The following RNF187 variants were observed in gnomAD, a reference collection of about 807,000 sequenced individuals.
RNF187 encodes the protein ring finger protein 187.
A neutral mutation model predicts 22.2 loss-of-function variants in RNF187; 18 were observed. The ratio of observed to expected loss-of-function variants is 0.81; its 90% confidence interval spans 0.56 to 1.20. The LOEUF is 1.20. Among genes scored for constraint, RNF187 ranks in the 50% most tolerant of loss-of-function variants. The probability of loss-of-function intolerance (pLI) is 0.00; values close to 1 mark genes in which losing one functional copy is unlikely to be tolerated. For missense variants in RNF187, 329 were observed against 317.6 expected (o/e 1.04, Z -0.27); for synonymous variants, 164 against 140.9 (o/e 1.16, Z -1.16).
Position 228,493,385 on chromosome 1 carries a change from T to C in RNF187, c.705+111T>C. Reference sequence around the variant, plus strand: ...TCAAGGCTTAAAAGCCCAGCCTGACTCCCACTGCCGTGGCCTTGCAGGGCT... The same window carrying C: ...TCAAGGCTTAAAAGCCCAGCCTGACCCCCACTGCCGTGGCCTTGCAGGGCT... On this transcript the variant is annotated intron_variant, in intron 3 of 3. Transcript: ENST00000305943. The surrounding 1 kb of genome is among the most constrained non-coding windows in gnomAD (Gnocchi z 4.7). 2.1e-6 allele frequency: 3 copies of C among 1,459,342 alleles called. No individual in the cohort carries two copies. Among genetic ancestry groups the C allele is most frequent in the African/African-American group, 2.8e-5 (2 of 70,774 alleles). 90.4% of individuals were successfully genotyped at this position (1,459,342 alleles called of 1,614,324 possible).
At chr1:228,487,909 C>A in intron 1 of RNF187, 31 bp downstream of exon 1, 2 of 1,176,784 alleles carry the variant, frequency 1.7e-6, no homozygotes, top group African/African-American at 1.6e-5. Flanking sequence ...TGCCCCACCC[C>A]GGACGGTGCC....
intron 1 of RNF187, 82 bp from the exon 2 acceptor site, chr1:228,488,878 T>A: frequency 1.8e-6 from 2 of 1,092,002 alleles, no homozygotes; most frequent in Non-Finnish European, 2.7e-6. Context: ...TGCAGTCAGC[T>A]GGGGTGATGT....
In RNF187 at chr1:228,494,081, G is replaced by A; in HGVS notation, c.*196G>A. 4.0e-6 allele frequency: 6 copies of A among 1,484,094 alleles called. No individual in the cohort carries two copies. The highest frequency in any genetic ancestry group is 4.2e-5 in the Admixed American group (2 of 47,270). The allele number at this position is 1,484,094 out of a possible 1,614,324, so 91.9% of individuals were successfully genotyped here. A position where few individuals can be genotyped will look rare whatever the true frequency, so the allele number is the denominator to read the frequency against. On this transcript the variant is annotated 3_prime_UTR_variant, in exon 4 of 4. Transcript: ENST00000305943. ...GTTTTGGGGGCTGCAAACACCTCCC[G>A]GTAGAGGCTGGACCTGAGGACCCTT...
rs1425315640 is a variant in RNF187 at position 228,487,734 on chromosome 1, C to T, written c.246C>T (p.Pro82=). ...CGCTCGAGGAGGCGGCCGCGGCGCC[C>T]GCGCGCGACGGCCCGGCCAGCGAGG... Residue 82 remains proline, a synonymous_variant, in exon 1 of 4, where the codon CCC becomes CCT. Coordinates refer to ENST00000305943, the MANE Select transcript of RNF187 (RefSeq NM_001010858.3). 4.9e-6 allele frequency: 5 copies of T among 1,029,110 alleles called. No individual in the cohort carries two copies. Among genetic ancestry groups the T allele is most frequent in the African/African-American group, 1.7e-5 (1 of 57,664 alleles). The allele number at this position is 1,029,110 out of a possible 1,614,324, so 63.7% of individuals were successfully genotyped here.
intron 2 of RNF187, among the ~76,000 whole-genome samples, chr1:228,489,815 C>G: frequency 3.3e-5 from 5 of 152,136 alleles, no homozygotes; most frequent in African/African-American, 4.8e-5. Context: ...GAGAGTTCCA[C>G]CCTCACAACC....
chr1:228,489,719 A>G, intron 2 of RNF187, among the ~76,000 whole-genome samples: 1 of 152,250 alleles, frequency 6.6e-6, no homozygotes, highest in African/African-American at 2.4e-5. Context: ...TGGTTCATAG[A>G]TGGTGTCTTC....
chr1:228,487,899 T>A, intron 1 of RNF187, 21 bp downstream of exon 1: 1 of 1,199,240 alleles, frequency 8.3e-7, no homozygotes, highest in Non-Finnish European at 1.0e-6. Flanking sequence ...CGGGGTCCCG[T>A]GCCCCACCCC....
intron 1 of RNF187, 23 bp downstream of exon 1, chr1:228,487,901 C>T: frequency 2.5e-6 from 3 of 1,195,610 alleles, no homozygotes; most frequent in South Asian, 2.9e-5. Context: ...GGGTCCCGTG[C>T]CCCACCCCGG....
chr1:228,488,824 A>G, intron 1 of RNF187, 136 bp from the exon 2 acceptor site: 1 of 678,016 alleles, frequency 1.5e-6, no homozygotes, highest in Non-Finnish European at 2.5e-6. Context: ...TTCCTGCCCT[A>G]GACAACCGGG....
chr1:228,492,153 C>T lies in RNF187; in HGVS notation c.484-900C>T. Among the ~76,000 whole-genome samples the T allele has an allele frequency of 1.0e-3, 153 of 151,684 alleles. 2 individuals are homozygous for T. The East Asian group carries it at 0.024, about 23-fold the overall frequency. On this transcript the variant is annotated intron_variant, in intron 2 of 3. Transcript: ENST00000305943. ...GCAGCCTCAAACTCCTGGGCTCAAGCGATCGTCTTACCTCAGCCTCCCGAG... is the reference window on the plus strand; with the variant it reads ...GCAGCCTCAAACTCCTGGGCTCAAGTGATCGTCTTACCTCAGCCTCCCGAG...
chr1:228,494,544 G>T lies in RNF187; in HGVS notation c.*659G>T. 1.0e-6 allele frequency: 1 copy of T among 985,702 alleles called. No individual in the cohort carries two copies. The allele number at this position is 985,702 out of a possible 1,614,324, so 61.1% of individuals were successfully genotyped here. ...CCCTCCCTGTGCTCCACCTGCCTCC[G>T]CAGAAGGAAGCCTCTTTCTCTGTTT... is the stretch of plus-strand genomic sequence containing the variant. On this transcript the variant is annotated 3_prime_UTR_variant, in exon 4 of 4. Transcript: ENST00000305943.
In RNF187 at chr1:228,487,503, G is replaced by A. The variant is rs1658861231; in HGVS notation, c.15G>A (p.Ala5=). The change falls in exon 1 of 4, where the codon GCG becomes GCA. Residue 5 remains alanine (A), a synonymous_variant. Coordinates refer to ENST00000305943, the MANE Select transcript of RNF187 (RefSeq NM_001010858.3). ...CGCCCGCAGCCCTGGCGCTCCCTGC[G>A]GGCCCCGCCGAGGCCGCCTGCGCCC... is the stretch of plus-strand genomic sequence containing the variant. 8.8e-7 allele frequency: 1 copy of A among 1,139,012 alleles called. No homozygotes were observed. The highest frequency in any genetic ancestry group is 1.1e-6 in the Non-Finnish European group (1 of 931,462). The allele number at this position is 1,139,012 out of a possible 1,614,324, so 70.6% of individuals were successfully genotyped here.
chr1:228,489,185 A>G, intron 2 of RNF187, 133 bp downstream of exon 2: 1 of 641,260 alleles, frequency 1.6e-6, no homozygotes, highest in East Asian at 2.8e-5. Flanking sequence ...GGGCCTCTGG[A>G]CTTAAGTGAG....
In RNF187 at chr1:228,493,666, C is replaced by T; in HGVS notation, c.706-217C>T. Among the ~76,000 whole-genome samples the T allele has an allele frequency of 2.0e-5, 3 of 152,174 alleles. No homozygotes were observed. Among genetic ancestry groups the T allele is most frequent in the Admixed American group, 6.5e-5 (1 of 15,292 alleles). ...CTGCAGCAACCCAGATGGCCCTGAA[C>T]GGTTCAGTTGCCCGTGCCAGCCATA... is the stretch of plus-strand genomic sequence containing the variant. On this transcript the variant is annotated intron_variant, in intron 3 of 3. Coordinates refer to ENST00000305943, the MANE Select transcript of RNF187 (RefSeq NM_001010858.3). This position sits in a 1 kb window ranked among gnomAD's most constrained non-coding sequence, Gnocchi z 4.7.
At chr1:228,492,406 C>G in intron 2 of RNF187, among the ~76,000 whole-genome samples, 1 of 148,860 alleles carries the variant, frequency 6.7e-6, no homozygotes, top group East Asian at 1.9e-4. Context: ...ACCGCAACCT[C>G]TGCCTCCCAG....
In RNF187 at chr1:228,487,482, C is replaced by G. The variant is rs1047955305; in HGVS notation, c.-7C>G. Reference sequence around the variant, plus strand: ...CTGCGCCCTTGCCGGCCCCGCCGCCCGCAGCCCTGGCGCTCCCTGCGGGCC... The same window carrying G: ...CTGCGCCCTTGCCGGCCCCGCCGCCGGCAGCCCTGGCGCTCCCTGCGGGCC... On this transcript the variant is annotated 5_prime_UTR_variant, in exon 1 of 4. Transcript: ENST00000305943. The G allele has an allele frequency of 8.9e-7, 1 of 1,117,488 alleles. No individual in the cohort carries two copies. Among genetic ancestry groups the G allele is most frequent in the Non-Finnish European group, 1.1e-6 (1 of 917,228 alleles). The allele number at this position is 1,117,488 out of a possible 1,614,324, so 69.2% of individuals were successfully genotyped here.
chr1:228,487,866 G>A lies in RNF187; in HGVS notation c.378G>A (p.Ala126=). ...AGTGGGAACCGCGCTGGAGGAAGGC[G>A]CTGCGCGGCAAGGTGCGCGCCGCGG... The change falls in exon 1 of 4, where the codon GCG becomes GCA. Residue 126 remains alanine (A), a synonymous_variant. Transcript: ENST00000305943. 1 of 1,224,270 alleles carries A rather than the reference G, an allele frequency of 8.2e-7. No homozygotes were observed. Among genetic ancestry groups the A allele is most frequent in the East Asian group, 3.7e-5 (1 of 27,360 alleles). 75.8% of individuals were successfully genotyped at this position (1,224,270 alleles called of 1,614,324 possible). A position where few individuals can be genotyped will look rare whatever the true frequency, so the allele number is the denominator to read the frequency against.
At position 228,493,849 on chromosome 1, in the gene RNF187, G is replaced by GTC; in HGVS notation, c.706-28_706-27dup. 1 of 1,550,092 alleles carries GTC rather than the reference G, an allele frequency of 6.5e-7. No individual in the cohort carries two copies. Among genetic ancestry groups the GTC allele is most frequent in the South Asian group, 1.2e-5 (1 of 84,020 alleles). ...ACTCTGTGTGTCTCTTTCTCTTTTT[G>GTC]TCTCTCTGTCTTTCCCTCTCCCCTC... On this transcript the variant is annotated intron_variant, in intron 3 of 3. Coordinates refer to ENST00000305943, the MANE Select transcript of RNF187 (RefSeq NM_001010858.3). This position sits in a 1 kb window ranked among gnomAD's most constrained non-coding sequence, Gnocchi z 4.7.
chr1:228,492,884 G>C, intron 2 of RNF187, among the ~76,000 whole-genome samples, 169 bp from the exon 3 acceptor site: 1 of 151,608 alleles, frequency 6.6e-6, no homozygotes, highest in Non-Finnish European at 1.5e-5. Context: ...TGGCCTCCTG[G>C]AGTGCTGGGA....
Sources: allele counts gnomAD v4.1 joint callset (sites outside exome capture counted in the v4.1 genomes callset), GRCh38; gene constraint gnomAD v4.1.1; non-coding constraint Gnocchi (gnomAD v3.1); transcripts MANE v1.5; gene names NCBI Gene and HGNC (gene_info 2026-07-23, HGNC 2026-07-21).